The following ARMC9 variants were observed in gnomAD, a reference collection of about 807,000 sequenced individuals.
ARMC9 encodes the protein lisH domain-containing protein ARMC9.
A neutral mutation model predicts 107.0 loss-of-function variants in ARMC9; 94 were observed. That is an observed-to-expected ratio of 0.88 (90% CI 0.74 to 1.04). The LOEUF is 1.04. Ranked by LOEUF, ARMC9 falls within the 50% of genes least tolerant of loss-of-function variation. The pLI is 0.00. For synonymous variants in ARMC9, 380 were observed against 396.9 expected (o/e 0.96, Z 0.51); for missense variants, 942 against 1,030.1 (o/e 0.91, Z 1.17).
intron 12 of ARMC9, chr2:231,270,497 C>A: frequency 2.6e-6 from 1 of 385,596 alleles, no homozygotes. Flanking sequence ...TGAGATTTGG[C>A]CTTCTTGAGC....
At position 231,258,909 on chromosome 2, in the gene ARMC9, T is replaced by C. The variant is rs2038085967; in HGVS notation, c.915-82T>C. On this transcript the variant is annotated intron_variant, in intron 10 of 24. Coordinates refer to ENST00000611582, the MANE Select transcript of ARMC9 (RefSeq NM_001352754.2). ...GCCCATGGGAACAGCAGGCTCTAGC[T>C]TGGGTGTCATAATGCTCAGGAGGTG... 3 of 1,263,316 alleles carry C rather than the reference T, an allele frequency of 2.4e-6. No homozygotes were observed. The African/African-American group carries it at 4.4e-5, about 19-fold the overall frequency. 78.3% of individuals were successfully genotyped at this position (1,263,316 alleles called of 1,614,324 possible).
rs16827889 is a variant in ARMC9 at position 231,255,505 on chromosome 2, C to T, written c.880-1081C>T. 5.3e-3 allele frequency among the ~76,000 whole-genome samples: 812 copies of T among 152,064 alleles called. 12 individuals carry two copies. Among genetic ancestry groups the T allele is most frequent in the African/African-American group, 0.019 (774 of 41,460 alleles). On this transcript the variant is annotated intron_variant, in intron 9 of 24. Coordinates refer to ENST00000611582, the MANE Select transcript of ARMC9 (RefSeq NM_001352754.2). This position sits in a 1 kb window ranked among gnomAD's most constrained non-coding sequence, Gnocchi z 4.7. ...GGGAGTTTGGTCAGGGAGAACCCAT[C>T]GTTTTCCATAGAGGATTTTTTTTTG...
At chr2:231,280,189 T>G (rs898499239) in intron 16 of ARMC9, among the ~76,000 whole-genome samples, 1 of 152,186 alleles carries the variant, frequency 6.6e-6, no homozygotes, top group Non-Finnish European at 1.5e-5. Flanking sequence ...CACGGTGGCT[T>G]ACGCCTGTAA....
At chr2:231,329,100 C>A (rs4973384) in intron 19 of ARMC9, among the ~76,000 whole-genome samples, 48,987 of 151,338 alleles carry the variant, frequency 0.32, 8,101 homozygotes, top group Middle Eastern at 0.38. Flanking sequence ...GGATTACAGG[C>A]GTGAGCCACC....
At chr2:231,321,069 A>G (rs186908012) in intron 19 of ARMC9, among the ~76,000 whole-genome samples, 1 of 152,332 alleles carries the variant, frequency 6.6e-6, no homozygotes, top group East Asian at 1.9e-4. Context: ...ACCAAGCCTC[A>G]GTGTTCTCAT....
In ARMC9 at chr2:231,360,984, C is replaced by T. The variant is rs936562612; in HGVS notation, c.2261+101C>T. 3 of 1,423,444 alleles carry T rather than the reference C, an allele frequency of 2.1e-6. No individual in the cohort carries two copies. Among genetic ancestry groups the T allele is most frequent in the Non-Finnish European group, 2.8e-6 (3 of 1,087,770 alleles). 88.2% of individuals were successfully genotyped at this position (1,423,444 alleles called of 1,614,324 possible). A position where few individuals can be genotyped will look rare whatever the true frequency, so the allele number is the denominator to read the frequency against. On this transcript the variant is annotated intron_variant, in intron 23 of 24. Transcript: ENST00000611582. This position sits in a 1 kb window ranked among gnomAD's most constrained non-coding sequence, Gnocchi z 4.7. Reference sequence around the variant, plus strand: ...CACCCAGGAGACCTGGAAGGCTCCTCTGAGGCCCAGCCTCTGACAGGGGAG... The same window carrying T: ...CACCCAGGAGACCTGGAAGGCTCCTTTGAGGCCCAGCCTCTGACAGGGGAG...
chr2:231,235,528 C>T, intron 8 of ARMC9, 147 bp downstream of exon 8: 1 of 904,334 alleles, frequency 1.1e-6, no homozygotes, highest in Non-Finnish European at 1.6e-6. Flanking sequence ...AGCCAACATG[C>T]ATGAAGGAGA....
chr2:231,274,576 C>T (rs1309246653), intron 14 of ARMC9, among the ~76,000 whole-genome samples: 1 of 152,174 alleles, frequency 6.6e-6, no homozygotes, highest in African/African-American at 2.4e-5. Flanking sequence ...ACTGTTGGGA[C>T]ATATGGTAAT....
intron 7 of ARMC9, among the ~76,000 whole-genome samples, chr2:231,230,973 T>C (rs2035159334): frequency 6.6e-6 from 1 of 152,202 alleles, no homozygotes; most frequent in Non-Finnish European, 1.5e-5. Flanking sequence ...TGCCTGCTTC[T>C]CTCTTTCCAA....
rs189210895 is a variant in ARMC9, at chr2:231,374,482, G to A, written c.*2947G>A. The stretch of plus-strand genomic sequence containing the variant: ...TAGGCAGGTGGAGGTTTGAGATCCA[G>A]TGAGATGCCAGAGATTAGTCAATAG... On this transcript the variant is annotated 3_prime_UTR_variant, in exon 25 of 25. Coordinates refer to ENST00000611582, the MANE Select transcript of ARMC9 (RefSeq NM_001352754.2). 38 of 151,942 alleles carry A rather than the reference G, an allele frequency of 2.5e-4. No individual in the cohort carries two copies. Among genetic ancestry groups the A allele is most frequent in the Admixed American group, 2.2e-3 (33 of 15,250 alleles). The allele number at this position is 151,942 out of a possible 1,614,324, so 9.4% of individuals were successfully genotyped here. A position where few individuals can be genotyped will look rare whatever the true frequency, so the allele number is the denominator to read the frequency against.
chr2:231,330,140 G>A (rs1297284168), intron 19 of ARMC9, among the ~76,000 whole-genome samples: 2 of 151,944 alleles, frequency 1.3e-5, no homozygotes, highest in Non-Finnish European at 2.9e-5. Flanking sequence ...AGCATACAAT[G>A]TGGACTACTA....
chr2:231,272,917 T>A, intron 13 of ARMC9, 38 bp from the exon 14 acceptor site: 1 of 1,601,756 alleles, frequency 6.2e-7, no homozygotes, highest in Non-Finnish European at 8.5e-7. Context: ...ATAAATTATT[T>A]CTGTCTTTCA....
At chr2:231,302,929 G>A (rs760415129) in intron 19 of ARMC9, among the ~76,000 whole-genome samples, 2 of 152,130 alleles carry the variant, frequency 1.3e-5, no homozygotes, top group Non-Finnish European at 2.9e-5. Context: ...GCCTGAACCC[G>A]GGATGCGGAG....
chr2:231,349,793 G>GAGTA (rs1224386079), intron 21 of ARMC9, among the ~76,000 whole-genome samples: 3 of 149,736 alleles, frequency 2.0e-5, no homozygotes, highest in African/African-American at 7.6e-5. Context: ...AAACAAAAAT[G>GAGTA]AGTAAGACCT....
chr2:231,281,978 G>T (rs2040248053), intron 16 of ARMC9, 81 bp from the exon 17 acceptor site: 1 of 1,358,198 alleles, frequency 7.4e-7, no homozygotes. Flanking sequence ...TTGCCAGATT[G>T]TTCTGAGGTG....
At chr2:231,245,088 G>T (rs2036631908) in intron 9 of ARMC9, among the ~76,000 whole-genome samples, 1 of 152,202 alleles carries the variant, frequency 6.6e-6, no homozygotes, top group South Asian at 2.1e-4. Flanking sequence ...ACTCCCAGAG[G>T]GTTTATAAGG....
chr2:231,370,864 C>T (rs544388262), intron 24 of ARMC9, among the ~76,000 whole-genome samples: 30 of 152,376 alleles, frequency 2.0e-4, no homozygotes, highest in African/African-American at 7.2e-4. Flanking sequence ...CCAGGCAGGA[C>T]GAAAGGAGTC....
intron 13 of ARMC9, among the ~76,000 whole-genome samples, chr2:231,271,919 G>A (rs1312669950): frequency 1.3e-5 from 2 of 152,006 alleles, no homozygotes; most frequent in African/African-American, 4.8e-5. Flanking sequence ...GGCTGCCTCT[G>A]TTGTGAAGAC....
intron 1 of ARMC9, among the ~76,000 whole-genome samples, chr2:231,199,355 G>T (rs1357297288): frequency 6.6e-6 from 1 of 152,234 alleles, no homozygotes; most frequent in Non-Finnish European, 1.5e-5. Context: ...TCTGGGCATG[G>T]TGCCTGCCAC....
Sources: allele counts gnomAD v4.1 joint callset (sites outside exome capture counted in the v4.1 genomes callset), GRCh38; gene constraint gnomAD v4.1.1; non-coding constraint Gnocchi (gnomAD v3.1); transcripts MANE v1.5; gene names NCBI Gene and HGNC (gene_info 2026-07-23, HGNC 2026-07-21).